CCDC91: variants seen among roughly 807,000 people sequenced by gnomAD.
CCDC91 encodes coiled-coil domain-containing protein 91.
In CCDC91, 48 loss-of-function variants were observed where a neutral mutation model predicts 63.2. The ratio of observed to expected loss-of-function variants is 0.76; its 90% CI spans 0.60 to 0.97. CCDC91 has a LOEUF of 0.97. Among genes scored for constraint, CCDC91 ranks in the 50% least tolerant of loss-of-function variants. The pLI is 0.00. For missense variants in CCDC91, 500 were observed against 494.6 expected, an observed-to-expected ratio of 1.01 and a Z score of -0.10; for synonymous variants, 167 against 165.8, an observed-to-expected ratio of 1.01 and a Z score of -0.06.
intron 12 of CCDC91, among the ~76,000 whole-genome samples, chr12:28,500,849 C>A (rs1383278570): frequency 2.0e-5 from 3 of 151,590 alleles, no homozygotes; most frequent in African/African-American, 7.3e-5. Flanking sequence ...TCTCTGAAGC[C>A]ATAATTTTAT....
intron 11 of CCDC91, among the ~76,000 whole-genome samples, chr12:28,476,884 T>C (rs1385416403): frequency 2.6e-5 from 4 of 152,136 alleles, no homozygotes; most frequent in Admixed American, 6.6e-5. Flanking sequence ...AATGGATAAA[T>C]TCCTGGACAC....
chr12:28,412,409 C>A (rs546680197), intron 8 of CCDC91, among the ~76,000 whole-genome samples: 1 of 152,288 alleles, frequency 6.6e-6, no homozygotes, highest in African/African-American at 2.4e-5. Flanking sequence ...TACAGGAAAG[C>A]TCTCTGCCTA....
At chr12:28,543,187 C>T (rs1057370179) in intron 12 of CCDC91, among the ~76,000 whole-genome samples, 1 of 152,084 alleles carries the variant, frequency 6.6e-6, no homozygotes, top group Non-Finnish European at 1.5e-5. Flanking sequence ...CCAGTAAGAG[C>T]CCATCTCAGT....
chr12:28,362,964 G>A (rs1406326721), intron 7 of CCDC91, among the ~76,000 whole-genome samples: 1 of 151,570 alleles, frequency 6.6e-6, no homozygotes, highest in Non-Finnish European at 1.5e-5. Context: ...GTATCATACA[G>A]TAAAACATTA....
At chr12:28,307,251 C>T (rs747000408) in intron 5 of CCDC91, among the ~76,000 whole-genome samples, 28 of 151,808 alleles carry the variant, frequency 1.8e-4, no homozygotes, top group South Asian at 8.3e-4. Flanking sequence ...TGAAATTTTG[C>T]GACATCAACT....
At chr12:28,294,826 C>A (rs1450104146) in intron 3 of CCDC91, among the ~76,000 whole-genome samples, 1 of 152,104 alleles carries the variant, frequency 6.6e-6, no homozygotes, top group Non-Finnish European at 1.5e-5. Context: ...CTCAGGTGAT[C>A]CACCTGCTTC....
intron 11 of CCDC91, among the ~76,000 whole-genome samples, chr12:28,460,033 C>T (rs1309600381): frequency 6.6e-6 from 1 of 152,060 alleles, no homozygotes; most frequent in Non-Finnish European, 1.5e-5. Context: ...TATTTTCCAT[C>T]CCCATGTTCC....
At chr12:28,444,065 C>A (rs924907961) in intron 8 of CCDC91, among the ~76,000 whole-genome samples, 3 of 152,128 alleles carry the variant, frequency 2.0e-5, no homozygotes, top group African/African-American at 7.2e-5. Context: ...AGCCCTGTTT[C>A]TATAGGGTTA....
At chr12:28,549,021 T>A (rs1943171337) in intron 12 of CCDC91, 42 bp from the exon 13 acceptor site, 4 of 1,270,564 alleles carry the variant, frequency 3.1e-6, no homozygotes, top group African/African-American at 1.5e-5. Flanking sequence ...CAACTCAGTA[T>A]TTTTTTTTCT....
chr12:28,519,440 C>T (rs1940337648), intron 12 of CCDC91, among the ~76,000 whole-genome samples: 1 of 151,840 alleles, frequency 6.6e-6, no homozygotes. Flanking sequence ...TGACTTTTGT[C>T]AGTTCTAGAA....
intron 3 of CCDC91, among the ~76,000 whole-genome samples, chr12:28,265,051 A>T (rs1947097400): frequency 1.3e-5 from 2 of 152,056 alleles, no homozygotes; most frequent in South Asian, 4.1e-4. Context: ...ACATGAAAAG[A>T]ATATTATGTC....
chr12:28,334,583 A>C (rs530876341), intron 6 of CCDC91, among the ~76,000 whole-genome samples: 85 of 152,276 alleles, frequency 5.6e-4, no homozygotes, highest in East Asian at 9.7e-4. Flanking sequence ...CTTCTGTATT[A>C]GGGTTTGGGA....
At chr12:28,530,579 G>T (rs1941650038) in intron 12 of CCDC91, among the ~76,000 whole-genome samples, 1 of 152,096 alleles carries the variant, frequency 6.6e-6, no homozygotes, top group African/African-American at 2.4e-5. Flanking sequence ...CTGGTACAGG[G>T]CCATTTCTCC....
At chr12:28,329,032 T>C (rs532691337) in intron 6 of CCDC91, among the ~76,000 whole-genome samples, 1 of 152,224 alleles carries the variant, frequency 6.6e-6, no homozygotes, top group East Asian at 1.9e-4. Context: ...CCTCATAAAA[T>C]GTGTCTTTCA....
intron 12 of CCDC91, among the ~76,000 whole-genome samples, chr12:28,536,310 T>G (rs903135850): frequency 6.6e-6 from 1 of 152,182 alleles, no homozygotes; most frequent in East Asian, 1.9e-4. Context: ...ATGCTACCAA[T>G]TGTGGTTTGT....
intron 8 of CCDC91, among the ~76,000 whole-genome samples, chr12:28,399,292 C>G (rs533750976): frequency 3.9e-5 from 6 of 152,274 alleles, no homozygotes; most frequent in African/African-American, 1.4e-4. Flanking sequence ...GGAAAAGCCC[C>G]TTTAAAACCA....
At chr12:28,237,470 T>G (rs1249010726) in intron 1 of CCDC91, among the ~76,000 whole-genome samples, 1 of 152,154 alleles carries the variant, frequency 6.6e-6, no homozygotes, top group Non-Finnish European at 1.5e-5. Context: ...AACAGAGGCA[T>G]AATCTACAGA....
intron 6 of CCDC91, among the ~76,000 whole-genome samples, chr12:28,330,925 A>G (rs1200749637): frequency 1.3e-5 from 2 of 152,216 alleles, no homozygotes; most frequent in African/African-American, 4.8e-5. Flanking sequence ...CAGATATTGG[A>G]GAAAGCCTAT....
rs549906708 is a variant in CCDC91 at position 28,295,905 on chromosome 12, G to A, written c.110-9744G>A. On this transcript the variant is annotated intron_variant, in intron 3 of 12. Transcript: ENST00000536442. Reference sequence around the variant, plus strand: ...GCTTAGAATTTTGTTCACTCAGTGTGAGCAAGAGTTAAAAGAAAAAAGCCT... The same window carrying A: ...GCTTAGAATTTTGTTCACTCAGTGTAAGCAAGAGTTAAAAGAAAAAAGCCT... Among the ~76,000 whole-genome samples, 7 of 152,012 alleles carry A rather than the reference G, an allele frequency of 4.6e-5. No individual in the cohort carries two copies. The East Asian group carries it at 1.3e-3, about 29-fold the overall frequency.
Sources: allele counts gnomAD v4.1 joint callset (sites outside exome capture counted in the v4.1 genomes callset), GRCh38; gene constraint gnomAD v4.1.1; transcripts MANE v1.5; gene names NCBI Gene and HGNC (gene_info 2026-07-23, HGNC 2026-07-21).